The following FRAS1 variants were observed in gnomAD, a reference collection of about 807,000 sequenced individuals.
The protein encoded by FRAS1 is extracellular matrix organizing protein FRAS1.
FRAS1 carries 290 observed loss-of-function variants against 435.2 expected under a neutral mutation model. That is an observed-to-expected ratio of 0.67 (90% CI 0.61 to 0.73). The LOEUF is 0.73. Ranked by LOEUF, FRAS1 falls within the 30% of genes least tolerant of loss-of-function variation. The pLI is 0.00. For synonymous variants in FRAS1, 1,800 were observed against 1,851.0 expected, an observed-to-expected ratio of 0.97 and a Z score of 0.71; for missense variants, 4,860 against 5,001.5, an observed-to-expected ratio of 0.97 and a Z score of 0.85.
intron 71 of FRAS1, among the ~76,000 whole-genome samples, chr4:78,536,733 C>T (rs1030178569): frequency 1.3e-5 from 2 of 151,988 alleles, no homozygotes; most frequent in Non-Finnish European, 2.9e-5. Context: ...ACTTTGCTTC[C>T]CTTAAATGCT....
chr4:78,061,603 G>T (rs1739764085), intron 1 of FRAS1, among the ~76,000 whole-genome samples: 1 of 152,174 alleles, frequency 6.6e-6, no homozygotes, highest in Non-Finnish European at 1.5e-5. Context: ...TTATTTATGG[G>T]TGAGTTAGGG....
At chr4:78,497,459 A>C (rs1578358779) in intron 60 of FRAS1, among the ~76,000 whole-genome samples, 2 of 152,330 alleles carry the variant, frequency 1.3e-5, no homozygotes, top group African/African-American at 4.8e-5. Context: ...CAGGGAAGAC[A>C]AAACCTGTTT....
In FRAS1 at chr4:78,482,469, G is replaced by A; in HGVS notation, c.8686G>A (p.Ala2896Thr). The A allele has an allele frequency of 1.2e-6, 2 of 1,613,938 alleles. No homozygotes were observed. The highest frequency in any genetic ancestry group is 8.5e-7 in the Non-Finnish European group (1 of 1,179,830). ...LETFVVFLSS[A>T]QGAELTKPFQ... ...GACATTTGTGGTTTTCCTCAGCTCA[G>A]CACAAGGAGCCGAACTGACCAAACC... The change falls in exon 58 of 74, where the codon GCA (alanine) becomes ACA (threonine). Residue 2896 changes from alanine to threonine, a missense_variant. By Grantham distance (58) the Ala-to-Thr change is moderately conservative. Coordinates refer to ENST00000512123, the MANE Select transcript of FRAS1 (RefSeq NM_025074.7).
intron 2 of FRAS1, among the ~76,000 whole-genome samples, chr4:78,184,973 A>C (rs1172342975): frequency 6.6e-6 from 1 of 152,200 alleles, no homozygotes; most frequent in Non-Finnish European, 1.5e-5. Context: ...ATGAAAAACC[A>C]TCACATCTTC....
chr4:78,145,489 T>C (rs185665514), intron 2 of FRAS1, among the ~76,000 whole-genome samples: 1 of 152,256 alleles, frequency 6.6e-6, no homozygotes, highest in Admixed American at 6.5e-5. Context: ...ACAAAGATAC[T>C]TCAAAATTAT....
At position 78,416,315 on chromosome 4, in the gene FRAS1, G is replaced by A. The variant is rs565317187; in HGVS notation, c.4426-2634G>A. 2.1e-4 allele frequency among the ~76,000 whole-genome samples: 32 copies of A among 152,182 alleles called. 1 individual carries two copies. Among genetic ancestry groups the A allele is most frequent in the African/African-American group, 7.2e-4 (30 of 41,514 alleles). On this transcript the variant is annotated intron_variant, in intron 32 of 73. Coordinates refer to ENST00000512123, the MANE Select transcript of FRAS1 (RefSeq NM_025074.7). ...CGTGATGTGATGAGAGAGGGAGAAA[G>A]GGGGAGTTGTTCAATGGATATAGAA...
chr4:78,159,232 G>A (rs1023537492), intron 2 of FRAS1, among the ~76,000 whole-genome samples: 2 of 152,152 alleles, frequency 1.3e-5, no homozygotes, highest in Admixed American at 6.6e-5. Flanking sequence ...CCTTTGAAGC[G>A]CCACTGGAGG....
chr4:78,070,428 A>G (rs1740282747), intron 2 of FRAS1: 1 of 152,080 alleles, frequency 6.6e-6, no homozygotes, highest in Admixed American at 6.6e-5. Context: ...TTCTTTAACA[A>G]TCTTCTGTAA....
intron 4 of FRAS1, among the ~76,000 whole-genome samples, chr4:78,250,554 G>A (rs1277010196): frequency 6.6e-6 from 1 of 152,134 alleles, no homozygotes; most frequent in Non-Finnish European, 1.5e-5. Context: ...GAAATTAGTA[G>A]GTCAAGGCAT....
intron 33 of FRAS1, among the ~76,000 whole-genome samples, chr4:78,419,324 G>A (rs748104747): frequency 6.6e-6 from 1 of 152,236 alleles, no homozygotes; most frequent in Non-Finnish European, 1.5e-5. Context: ...GAATGTACAT[G>A]CTACTGGGTT....
In FRAS1 at chr4:78,148,975, T is replaced by G. The variant is rs140600181; in HGVS notation, c.108+82959T>G. ...AAGAAATAGTATTTTTTTAAAAAACTTTTGGACAAAGAGTGTAATTCATAG... is the reference window on the plus strand; with the variant it reads ...AAGAAATAGTATTTTTTTAAAAAACGTTTGGACAAAGAGTGTAATTCATAG... On this transcript the variant is annotated intron_variant, in intron 2 of 73. Coordinates refer to ENST00000512123, the MANE Select transcript of FRAS1 (RefSeq NM_025074.7). Among the ~76,000 whole-genome samples the G allele has an allele frequency of 7.6e-4, 116 of 152,316 alleles. 1 individual carries two copies. In the East Asian group the frequency reaches 0.022, roughly 29 times the overall value.
chr4:78,455,670 T>C (rs1448801360), intron 47 of FRAS1, among the ~76,000 whole-genome samples: 4 of 152,150 alleles, frequency 2.6e-5, no homozygotes, highest in Non-Finnish European at 5.9e-5. Context: ...TTCTTCCCCA[T>C]AGGAGATGTA....
intron 23 of FRAS1, 109 bp from the exon 24 acceptor site, chr4:78,372,609 G>A (rs1434087075): frequency 9.8e-6 from 13 of 1,323,370 alleles, no homozygotes; most frequent in East Asian, 4.6e-5. Context: ...CATCTCTTAC[G>A]TTGTCCTTAT....
At chr4:78,418,068 C>T (rs1733621626) in intron 32 of FRAS1, among the ~76,000 whole-genome samples, 1 of 152,186 alleles carries the variant, frequency 6.6e-6, no homozygotes. Context: ...TTAAGTGTTG[C>T]CACTGTTAGT....
At position 78,479,688 on chromosome 4, in the gene FRAS1, A is replaced by G; in HGVS notation, c.8413A>G (p.Asn2805Asp). 6.3e-7 allele frequency: 1 copy of G among 1,599,402 alleles called. No individual in the cohort carries two copies. Among genetic ancestry groups the G allele is most frequent in the Non-Finnish European group, 8.5e-7 (1 of 1,170,500 alleles). Residue 2805 changes from asparagine (N) to aspartate (D), a missense_variant, in exon 56 of 74, where the codon AAC becomes GAC. Physicochemically the swap from Asn to Asp is conservative, Grantham distance 23. Coordinates refer to ENST00000512123, the MANE Select transcript of FRAS1 (RefSeq NM_025074.7). ...PNDASTVSLG[N>D]TAFTVSEDAG... is the part of the protein sequence containing the mutation. The stretch of plus-strand genomic sequence containing the variant: ...CGATGCCTCGACTGTGTCCCTGGGC[A>G]ACACGGCTTTCACTGTCAGTGAGGA...
At position 78,282,876 on chromosome 4, in the gene FRAS1, G is replaced by T; in HGVS notation, c.1164G>T (p.Gln388His). Residue 388 changes from glutamine (Q) to histidine (H), a missense_variant, in exon 12 of 74, where the codon CAG becomes CAT. Transcript: ENST00000512123. Reference sequence around the variant, plus strand: ...AGGTGTGTGAGTGCCGAGGGGCTCAGGTAACTTGCTACGAGCCCTCTTGCC... The same window carrying T: ...AGGTGTGTGAGTGCCGAGGGGCTCATGTAACTTGCTACGAGCCCTCTTGCC... ...PCKVCECRGA[Q>H]VTCYEPSCPP... The T allele has an allele frequency of 6.2e-7, 1 of 1,612,804 alleles. No individual in the cohort carries two copies. The highest frequency in any genetic ancestry group is 8.5e-7 in the Non-Finnish European group (1 of 1,179,576).
chr4:78,215,765 A>G (rs1035439750), intron 2 of FRAS1, among the ~76,000 whole-genome samples: 10 of 152,284 alleles, frequency 6.6e-5, no homozygotes, highest in Admixed American at 2.6e-4. Flanking sequence ...GGTTCATCCA[A>G]TTTGGAGCAT....
intron 18 of FRAS1, among the ~76,000 whole-genome samples, chr4:78,329,908 C>T (rs1021940146): frequency 6.6e-6 from 1 of 152,146 alleles, no homozygotes; most frequent in Non-Finnish European, 1.5e-5. Context: ...ATTGGGGGCT[C>T]CACTGTAGTA....
At chr4:78,189,326 T>C (rs1267362129) in intron 2 of FRAS1, among the ~76,000 whole-genome samples, 1 of 152,238 alleles carries the variant, frequency 6.6e-6, no homozygotes, top group Non-Finnish European at 1.5e-5. Flanking sequence ...TGCATCCCAC[T>C]TGGTTTCCTT....
Sources: gnomAD v4.1 joint callset for allele counts (sites outside exome capture counted in the v4.1 genomes callset) on GRCh38, gnomAD v4.1.1 for gene constraint, MANE v1.5 for transcripts, NCBI Gene and HGNC (gene_info 2026-07-23, HGNC 2026-07-21) for gene names.